The following PRUNE2 variants were observed in gnomAD, a reference collection of about 807,000 sequenced individuals.
The protein encoded by PRUNE2 is protein prune homolog 2.
A neutral mutation model predicts 252.0 loss-of-function variants in PRUNE2; 164 were observed. The ratio of observed to expected loss-of-function variants is 0.65; its 90% confidence interval spans 0.57 to 0.74. PRUNE2 has a LOEUF of 0.74. Among genes scored for constraint, PRUNE2 ranks in the 30% least tolerant of loss-of-function variants. The pLI is 0.00. For missense variants in PRUNE2, 3,495 were observed against 3,711.0 expected, an observed-to-expected ratio of 0.94 and a Z score of 1.51; for synonymous variants, 1,292 against 1,350.2, an observed-to-expected ratio of 0.96 and a Z score of 0.94.
In PRUNE2 at chr9:76,707,405, C is replaced by T. The variant is rs1224666316; in HGVS notation, c.4869G>A (p.Glu1623=). ...SFDRKTPTFL[E]IWNDSVDGDS... ...CACCATCAACTGAGTCATTCCAGAT[C>T]TCTAAAAATGTAGGAGTTTTGCGAT... The change falls in exon 8 of 19, where the codon GAG becomes GAA. Residue 1623 remains glutamate (E), a synonymous_variant. Transcript: ENST00000376718. The T allele has an allele frequency of 3.7e-6, 6 of 1,613,956 alleles. No individual in the cohort carries two copies. Among genetic ancestry groups the T allele is most frequent in the Non-Finnish European group, 4.2e-6 (5 of 1,179,844 alleles).
At chr9:76,843,113 A>G (rs2059482046) in intron 4 of PRUNE2, among the ~76,000 whole-genome samples, 1 of 152,224 alleles carries the variant, frequency 6.6e-6, no homozygotes, top group African/African-American at 2.4e-5. Flanking sequence ...AATGTGGCAC[A>G]TATACACCAT....
chr9:76,792,517 GC>G (rs2055655391), intron 6 of PRUNE2, among the ~76,000 whole-genome samples: 1 of 152,190 alleles, frequency 6.6e-6, no homozygotes, highest in African/African-American at 2.4e-5. Context: ...TTCTCCACAT[GC>G]CCCCCAGGTG....
At chr9:76,621,037 G>A (rs4388513) in intron 17 of PRUNE2, among the ~76,000 whole-genome samples, 18,679 of 152,176 alleles carry the variant, frequency 0.12, 1,412 homozygotes, top group African/African-American at 0.2. Flanking sequence ...AAGTCAATTA[G>A]AGTTGGGGTG....
chr9:76,725,679 G>T (rs2048048430), intron 6 of PRUNE2, among the ~76,000 whole-genome samples: 1 of 152,086 alleles, frequency 6.6e-6, no homozygotes. Flanking sequence ...GCATATATAG[G>T]GTAAACACCA....
chr9:76,678,645 C>T (rs1177285755), intron 9 of PRUNE2, among the ~76,000 whole-genome samples: 1 of 151,930 alleles, frequency 6.6e-6, no homozygotes, highest in Non-Finnish European at 1.5e-5. Context: ...CTGGCTAACA[C>T]GGTGAAACCT....
At chr9:76,702,017 G>GTA in intron 9 of PRUNE2, among the ~76,000 whole-genome samples, 1 of 151,618 alleles carries the variant, frequency 6.6e-6, no homozygotes, top group South Asian at 2.1e-4. Flanking sequence ...GATGTGTATA[G>GTA]TCCTTTACAC....
intron 1 of PRUNE2, among the ~76,000 whole-genome samples, chr9:76,896,772 C>G (rs1405881758): frequency 6.6e-6 from 1 of 152,092 alleles, no homozygotes; most frequent in African/African-American, 2.4e-5. Flanking sequence ...CCCCTGACAT[C>G]GGTCAATCCA....
chr9:76,707,691 G>A lies in PRUNE2; in HGVS notation c.4583C>T (p.Ser1528Phe). Residue 1528 changes from serine to phenylalanine, a missense_variant, in exon 8 of 19, where the codon TCT (serine) becomes TTT (phenylalanine). Transcript: ENST00000376718. ...AATAGTATCTCTGTCAAAATTTCCA[G>A]ACGAACCGGCTCCTGGAAGGCTATT... Reference protein sequence around the residue: ...SENSLPGAGSSGNFDRDTISS... With the variant: ...SENSLPGAGSFGNFDRDTISS... 6.2e-7 allele frequency: 1 copy of A among 1,613,870 alleles called. No homozygotes were observed.
intron 9 of PRUNE2, among the ~76,000 whole-genome samples, chr9:76,656,042 T>C (rs149935250): frequency 7.2e-5 from 11 of 152,326 alleles, no homozygotes; most frequent in Non-Finnish European, 1.5e-4. Context: ...CATAGACTGA[T>C]GTTATTTTTC....
chr9:76,699,386 A>C (rs2045691713), intron 9 of PRUNE2, among the ~76,000 whole-genome samples: 1 of 152,064 alleles, frequency 6.6e-6, no homozygotes, highest in African/African-American at 2.4e-5. Context: ...TTGTAAAAGT[A>C]TTTTTTTAGA....
intron 9 of PRUNE2, among the ~76,000 whole-genome samples, chr9:76,699,028 TCCCCACCCCAC>T (rs2045649658): frequency 1.2e-5 from 1 of 82,404 alleles, no homozygotes; most frequent in Admixed American, 1.1e-4. Flanking sequence ...CTCTTCTCCT[TCCCCACCCCAC>T]CCCCACCCCC....
intron 6 of PRUNE2, among the ~76,000 whole-genome samples, chr9:76,804,406 A>G (rs2056788091): frequency 6.6e-6 from 1 of 152,102 alleles, no homozygotes; most frequent in South Asian, 2.1e-4. Context: ...TCCCTCTAAG[A>G]GGGTGAGAGG....
chr9:76,871,589 T>G (rs1422851028), intron 1 of PRUNE2, among the ~76,000 whole-genome samples: 1 of 152,234 alleles, frequency 6.6e-6, no homozygotes, highest in African/African-American at 2.4e-5. Context: ...TTTTTAAACT[T>G]ACAGTGGTCA....
At chr9:76,827,228 G>A (rs2058395124) in intron 4 of PRUNE2, among the ~76,000 whole-genome samples, 1 of 152,130 alleles carries the variant, frequency 6.6e-6, no homozygotes, top group Non-Finnish European at 1.5e-5. Context: ...CAACAGCTGA[G>A]GAATCTGACA....
chr9:76,787,282 C>A (rs1434154988), intron 6 of PRUNE2: 1 of 145,862 alleles, frequency 6.9e-6, no homozygotes, highest in Non-Finnish European at 1.5e-5. Flanking sequence ...TTATTATTTT[C>A]TTTTACTACT....
chr9:76,615,206 C>T (rs1828849730), intron 18 of PRUNE2: 2 of 985,428 alleles, frequency 2.0e-6, no homozygotes, highest in East Asian at 1.1e-4. Context: ...TCACGTCTCT[C>T]TTCTGCTTCT....
At chr9:76,831,016 A>G (rs55686125) in intron 4 of PRUNE2, among the ~76,000 whole-genome samples, 19 of 147,514 alleles carry the variant, frequency 1.3e-4, no homozygotes, top group Non-Finnish European at 1.9e-4. Context: ...TGCAAGCTCC[A>G]CCTCCCGGGT....
intron 16 of PRUNE2, chr9:76,624,914 G>T: frequency 4.9e-6 from 3 of 611,360 alleles, no homozygotes; most frequent in South Asian, 1.5e-5. Flanking sequence ...GCATACAAAA[G>T]ACTGATACAG....
At chr9:76,730,639 C>T (rs899145070) in intron 6 of PRUNE2, among the ~76,000 whole-genome samples, 7 of 152,212 alleles carry the variant, frequency 4.6e-5, no homozygotes, top group African/African-American at 9.7e-5. Flanking sequence ...CGGTGGCTCA[C>T]GCCTGTAATC....
Sources: allele counts gnomAD v4.1 joint callset (sites outside exome capture counted in the v4.1 genomes callset), GRCh38; gene constraint gnomAD v4.1.1; transcripts MANE v1.5; gene names NCBI Gene and HGNC (gene_info 2026-07-23, HGNC 2026-07-21).